The following STARD8 variants were observed in gnomAD, a reference collection of about 807,000 sequenced individuals.
STARD8 encodes stAR-related lipid transfer protein 8.
In STARD8, 25 loss-of-function variants were observed where a neutral mutation model predicts 69.4. The ratio of observed to expected loss-of-function variants is 0.36; its 90% CI spans 0.26 to 0.50. STARD8 has a LOEUF of 0.50. Among genes scored for constraint, STARD8 ranks in the 20% least tolerant of loss-of-function variants. The pLI is 0.96. For missense variants in STARD8, 921 were observed against 932.5 expected, an observed-to-expected ratio of 0.99 and a Z score of 0.16; for synonymous variants, 389 against 374.6, an observed-to-expected ratio of 1.04 and a Z score of -0.45.
At chrX:68,650,278 G>A (rs1011884576) in intron 1 of STARD8, among the ~76,000 whole-genome samples, 2 of 108,496 alleles carry the variant, frequency 1.8e-5, no homozygotes, top group Non-Finnish European at 3.8e-5. Context: ...AATTTGCTGG[G>A]CACGGTGATG....
chrX:68,661,922 C>CTTCT (rs990248684), intron 1 of STARD8, among the ~76,000 whole-genome samples: 4 of 97,537 alleles, frequency 4.1e-5, no homozygotes, highest in African/African-American at 1.6e-4. Context: ...TCCTTCCTTC[C>CTTCT]TTCCTTCCCT....
Position 68,719,146 on chromosome X carries a change from A to G in STARD8, c.1716-79A>G, listed in dbSNP as rs753135864. ...TTTTTCTTTGGGGAGAAAAAAGGGG[A>G]CCACAATAACACCTTTTCTAAGGTT... On this transcript the variant is annotated intron_variant, in intron 6 of 14. Transcript: ENST00000374599. The G allele has an allele frequency of 3.0e-6, 3 of 1,014,122 alleles. No individual in the cohort carries two copies. The Admixed American group carries it at 1.2e-4, about 39-fold the overall frequency. 83.6% of individuals were successfully genotyped at this position (1,014,122 alleles called of 1,213,427 possible).
Position 68,718,601 on chromosome X carries a change from G to A in STARD8, c.1687G>A (p.Val563Ile), listed in dbSNP as rs1167537115. The part of the protein sequence containing the change: ...SMPRERRDSG[V>I]GASLTRPCRK... Reference sequence around the variant, plus strand: ...GCCCCGTGAACGGCGCGATTCAGGTGTTGGGGCCTCACTTACCAGACCCTG... The same window carrying A: ...GCCCCGTGAACGGCGCGATTCAGGTATTGGGGCCTCACTTACCAGACCCTG... Residue 563 changes from valine to isoleucine, a missense_variant, in exon 6 of 15, where the codon GTT becomes ATT. Physicochemically the swap from Val to Ile is conservative, Grantham distance 29. Transcript: ENST00000374599. 3 of 1,204,452 alleles carry A rather than the reference G, an allele frequency of 2.5e-6. No individual in the cohort carries two copies. Among genetic ancestry groups the A allele is most frequent in the African/African-American group, 3.5e-5 (2 of 57,347 alleles).
intron 2 of STARD8, among the ~76,000 whole-genome samples, chrX:68,687,224 C>A (rs749054678): frequency 6.3e-4 from 70 of 110,847 alleles, no homozygotes; most frequent in Admixed American, 1.1e-3. Flanking sequence ...CACAGCCCAG[C>A]AACCCTGGTA....
chrX:68,707,471 G>A lies in STARD8; in HGVS notation c.80-5443G>A, dbSNP rs927244976. 6.3e-5 allele frequency among the ~76,000 whole-genome samples: 7 copies of A among 111,770 alleles called. No individual in the cohort carries two copies. In the East Asian group the frequency reaches 8.5e-4, roughly 14 times the overall value. On this transcript the variant is annotated intron_variant, in intron 2 of 14. Transcript: ENST00000374599. ...CTAGCAGGCCTTTTCTGTTTAGGGC[G>A]GTGGTCTTTATCTCAGGCTGTACTT...
At chrX:68,689,713 G>C (rs1263606002) in intron 2 of STARD8, among the ~76,000 whole-genome samples, 3 of 111,940 alleles carry the variant, frequency 2.7e-5, no homozygotes, top group Non-Finnish European at 5.6e-5. Context: ...CCAGGGCTCT[G>C]AGCTCAGCAC....
chrX:68,715,948 C>T (rs2080088394), intron 4 of STARD8, among the ~76,000 whole-genome samples: 1 of 112,473 alleles, frequency 8.9e-6, no homozygotes, highest in Admixed American at 9.4e-5. Flanking sequence ...GGTCTCATGC[C>T]CACACTGGTC....
In STARD8 at chrX:68,716,477, G is replaced by A. The variant is rs373535630; in HGVS notation, c.297+46G>A. On this transcript the variant is annotated intron_variant, in intron 5 of 14. Coordinates refer to ENST00000374599, the MANE Select transcript of STARD8 (RefSeq NM_001142503.3). ...GGTCTGTGGTCTTGTGGTGCCATAA[G>A]GAAACCCAGGGCATACGTAAACCAT... 17 of 1,151,730 alleles carry A rather than the reference G, an allele frequency of 1.5e-5. No homozygotes were observed. The African/African-American group carries it at 2.3e-4, about 16-fold the overall frequency. The allele number at this position is 1,151,730 out of a possible 1,213,427, so 94.9% of individuals were successfully genotyped here. A position where few individuals can be genotyped will look rare whatever the true frequency, so the allele number is the denominator to read the frequency against.
intron 2 of STARD8, among the ~76,000 whole-genome samples, chrX:68,692,607 A>G (rs2079884474): frequency 8.9e-6 from 1 of 112,576 alleles, no homozygotes; most frequent in Admixed American, 9.4e-5. Flanking sequence ...GTGTACAGGT[A>G]TTGACCCTGC....
rs1264920989 is a variant in STARD8 at position 68,672,895 on chromosome X, G to A, written c.79+7363G>A. Reference sequence around the variant, plus strand: ...AGGAAGTAGGGCTCCTGAGAACAGAGGCTTCCAACTCTGTGTTCATTTGTC... The same window carrying A: ...AGGAAGTAGGGCTCCTGAGAACAGAAGCTTCCAACTCTGTGTTCATTTGTC... On this transcript the variant is annotated intron_variant, in intron 2 of 14. Transcript: ENST00000374599. Among the ~76,000 whole-genome samples, 4 of 111,561 alleles carry A rather than the reference G, an allele frequency of 3.6e-5. No individual in the cohort carries two copies. In the East Asian group the frequency reaches 1.1e-3, roughly 31 times the overall value.
chrX:68,663,123 T>C (rs1389305535), intron 1 of STARD8, among the ~76,000 whole-genome samples: 1 of 112,260 alleles, frequency 8.9e-6, no homozygotes, highest in Non-Finnish European at 1.9e-5. Context: ...CAGAGGGATA[T>C]GTTCTACAAC....
At chrX:68,688,494 A>T (rs1287500502) in intron 2 of STARD8, among the ~76,000 whole-genome samples, 1 of 109,650 alleles carries the variant, frequency 9.1e-6, no homozygotes, top group African/African-American at 3.4e-5. Flanking sequence ...GTGGCAGCTG[A>T]CGATGGAACC....
intron 2 of STARD8, among the ~76,000 whole-genome samples, chrX:68,695,654 C>G (rs1227223411): frequency 9.0e-6 from 1 of 111,542 alleles, no homozygotes; most frequent in Non-Finnish European, 1.9e-5. Flanking sequence ...ACAGGGCTTG[C>G]AGTGAGTCAT....
At chrX:68,699,748 AGTCT>A (rs2147912893) in intron 2 of STARD8, among the ~76,000 whole-genome samples, 1 of 112,140 alleles carries the variant, frequency 8.9e-6, no homozygotes, top group South Asian at 3.8e-4. Context: ...GTTTATTTAT[AGTCT>A]GAACTTGTTC....
intron 1 of STARD8, among the ~76,000 whole-genome samples, chrX:68,650,496 AG>A (rs2079541351): frequency 3.0e-5 from 3 of 98,628 alleles, no homozygotes; most frequent in African/African-American, 1.1e-4. Context: ...GAGGAGGAGG[AG>A]GAGGAGGAGG....
intron 5 of STARD8, among the ~76,000 whole-genome samples, chrX:68,716,651 C>T (rs2080093859): frequency 9.0e-6 from 1 of 110,690 alleles, no homozygotes; most frequent in African/African-American, 3.3e-5. Flanking sequence ...CTTTCTATAC[C>T]AGAGGCCTGT....
chrX:68,700,613 G>C (rs903591856), intron 2 of STARD8, among the ~76,000 whole-genome samples: 2 of 112,635 alleles, frequency 1.8e-5, no homozygotes, highest in African/African-American at 6.5e-5. Flanking sequence ...CCTGCAGCCA[G>C]CCTTTCTGCT....
intron 2 of STARD8, among the ~76,000 whole-genome samples, chrX:68,693,472 G>A (rs1364698771): frequency 8.9e-6 from 1 of 112,745 alleles, no homozygotes; most frequent in Admixed American, 9.3e-5. Flanking sequence ...GTGACCGGAG[G>A]GAAAGGCAGC....
intron 2 of STARD8, among the ~76,000 whole-genome samples, chrX:68,668,885 G>A (rs937346002): frequency 3.6e-4 from 40 of 111,751 alleles, no homozygotes; most frequent in South Asian, 1.9e-3. Flanking sequence ...TATGAAATTA[G>A]GTTTTGAGGC....
Sources: allele counts gnomAD v4.1 joint callset (sites outside exome capture counted in the v4.1 genomes callset), GRCh38; gene constraint gnomAD v4.1.1; transcripts MANE v1.5; gene names NCBI Gene and HGNC (gene_info 2026-07-23, HGNC 2026-07-21).